The following MAMDC2 variants were observed in gnomAD, a reference collection of about 807,000 sequenced individuals.
MAMDC2 encodes the protein MAM domain containing 2, also known as MAM domain-containing protein 2.
A neutral mutation model predicts 89.8 loss-of-function variants in MAMDC2; 57 were observed. That is an observed-to-expected ratio of 0.63 (90% CI 0.51 to 0.79). The LOEUF (loss-of-function observed/expected upper bound fraction) is 0.79. MAMDC2 is among the 30% of genes least tolerant of loss of function. The pLI, the probability that MAMDC2 is intolerant of heterozygous loss-of-function variation, is 0.00. For synonymous variants in MAMDC2, 313 were observed against 293.4 expected, an observed-to-expected ratio of 1.07 and a Z score of -0.68; for missense variants, 800 against 820.6, an observed-to-expected ratio of 0.97 and a Z score of 0.31.
At chr9:70,154,912 C>T (rs890215096) in intron 9 of MAMDC2, among the ~76,000 whole-genome samples, 2 of 152,076 alleles carry the variant, frequency 1.3e-5, no homozygotes, top group Non-Finnish European at 2.9e-5. Context: ...TTCCTATTCC[C>T]AAGAACCTAA....
chr9:70,072,762 A>C (rs1286216570), intron 2 of MAMDC2, among the ~76,000 whole-genome samples: 1 of 152,188 alleles, frequency 6.6e-6, no homozygotes, highest in Non-Finnish European at 1.5e-5. Context: ...AAAGGTTAAG[A>C]CAAAAAAAAG....
At chr9:70,221,240 A>T (rs1278798009) in intron 12 of MAMDC2, among the ~76,000 whole-genome samples, 1 of 150,172 alleles carries the variant, frequency 6.7e-6, no homozygotes, top group Non-Finnish European at 1.5e-5. Flanking sequence ...CTGTAATCCC[A>T]GCACTTCGGG....
intron 2 of MAMDC2, among the ~76,000 whole-genome samples, chr9:70,067,959 C>T (rs1237130648): frequency 6.6e-6 from 1 of 152,182 alleles, no homozygotes; most frequent in Non-Finnish European, 1.5e-5. Context: ...GACTTGTCTA[C>T]ATTTTATTTT....
At chr9:70,210,980 A>T (rs1164294759) in intron 11 of MAMDC2, among the ~76,000 whole-genome samples, 1 of 152,150 alleles carries the variant, frequency 6.6e-6, no homozygotes, top group African/African-American at 2.4e-5. Flanking sequence ...TGGCTTGTAG[A>T]GTTTCTGCCA....
intron 11 of MAMDC2, among the ~76,000 whole-genome samples, chr9:70,195,182 A>G (rs2032954250): frequency 6.6e-6 from 1 of 152,282 alleles, no homozygotes; most frequent in East Asian, 1.9e-4. Flanking sequence ...TTGTATGACT[A>G]AAGTTTGGGA....
chr9:70,069,463 C>G (rs909263309), intron 2 of MAMDC2, among the ~76,000 whole-genome samples: 11 of 152,080 alleles, frequency 7.2e-5, no homozygotes, highest in Admixed American at 5.9e-4. Flanking sequence ...ATCAAACAGC[C>G]AAGGCTTGTC....
Position 70,223,437 on chromosome 9 carries a change from C to G in MAMDC2, c.1912-2313C>G, listed in dbSNP as rs184027940. Among the ~76,000 whole-genome samples the G allele has an allele frequency of 5.6e-4, 85 of 152,114 alleles. 1 individual carries two copies. Among genetic ancestry groups the G allele is most frequent in the Non-Finnish European group, 8.8e-5 (6 of 68,006 alleles). ...CTTGGAATTAGATTGGATACACTAC[C>G]CTTATTTTATGTTCCACATTGATTT... On this transcript the variant is annotated intron_variant, in intron 12 of 13. Coordinates refer to ENST00000377182, the MANE Select transcript of MAMDC2 (RefSeq NM_153267.5).
rs11421160 is a variant in MAMDC2 at position 70,047,192 on chromosome 9, CT to C, written c.148+2508del. On this transcript the variant is annotated intron_variant, in intron 2 of 13. Transcript: ENST00000377182. Reference sequence around the variant, plus strand: ...CAGAGACTTTTGCCCACATGCACTTCTTTTTTTTTTTTTCTTTAAGTTCTGG... The same window carrying C: ...CAGAGACTTTTGCCCACATGCACTTCTTTTTTTTTTTTCTTTAAGTTCTGG... Among the ~76,000 whole-genome samples the C allele has an allele frequency of 3.3e-3, 479 of 145,778 alleles. 5 individuals carry two copies. Among genetic ancestry groups the C allele is most frequent in the African/African-American group, 9.6e-3 (382 of 39,834 alleles).
At chr9:70,217,533 G>C in intron 11 of MAMDC2, 1 of 1,575,764 alleles carries the variant, frequency 6.3e-7, no homozygotes, top group Non-Finnish European at 8.7e-7. Flanking sequence ...GGGCTGCTAA[G>C]GAAGCAAAAA....
At chr9:70,067,297 G>C (rs1444978754) in intron 2 of MAMDC2, among the ~76,000 whole-genome samples, 5 of 152,190 alleles carry the variant, frequency 3.3e-5, no homozygotes, top group Non-Finnish European at 7.3e-5. Context: ...CCCACCATCT[G>C]GAGTAATAAG....
chr9:70,193,872 A>C (rs1267391887), intron 11 of MAMDC2: 1 of 152,094 alleles, frequency 6.6e-6, no homozygotes, highest in Non-Finnish European at 1.5e-5. Flanking sequence ...TGTCATCTAT[A>C]CTTGAAACAA....
chr9:70,208,294 CT>C, intron 11 of MAMDC2, among the ~76,000 whole-genome samples: 1 of 152,194 alleles, frequency 6.6e-6, no homozygotes, highest in African/African-American at 2.4e-5. Context: ...TCTTTGTGTC[CT>C]CTTTTATTTC....
chr9:70,101,640 G>A (rs953467657), intron 2 of MAMDC2, among the ~76,000 whole-genome samples: 1 of 152,172 alleles, frequency 6.6e-6, no homozygotes, highest in Non-Finnish European at 1.5e-5. Flanking sequence ...ACTGTTACAG[G>A]TTTGTAGCCT....
chr9:70,051,888 G>GATAGAGATAGATAGAT (rs1554665151), intron 2 of MAMDC2, among the ~76,000 whole-genome samples: 151 of 148,910 alleles, frequency 1.0e-3, no homozygotes, highest in Non-Finnish European at 1.4e-3. Context: ...TAGATAGATA[G>GATAGAGATAGATAGAT]AGATAGATAG....
intron 5 of MAMDC2, among the ~76,000 whole-genome samples, chr9:70,123,121 A>G (rs1252196106): frequency 1.3e-5 from 2 of 152,204 alleles, no homozygotes; most frequent in Non-Finnish European, 2.9e-5. Context: ...ATACATTATA[A>G]TACAAAGAAT....
At chr9:70,120,484 G>A (rs1397238784) in intron 5 of MAMDC2, among the ~76,000 whole-genome samples, 2 of 152,112 alleles carry the variant, frequency 1.3e-5, no homozygotes, top group Non-Finnish European at 2.9e-5. Flanking sequence ...CCCTGGAGAG[G>A]TCAAAAGGAA....
chr9:70,077,890 AAAC>A (rs1441695447), intron 2 of MAMDC2, among the ~76,000 whole-genome samples: 1 of 151,072 alleles, frequency 6.6e-6, no homozygotes, highest in African/African-American at 2.5e-5. Context: ...AGCCCAGCCC[AAAC>A]AACAAAAGGT....
chr9:70,204,416 C>T (rs1176641455), intron 11 of MAMDC2, among the ~76,000 whole-genome samples: 1 of 151,596 alleles, frequency 6.6e-6, no homozygotes, highest in African/African-American at 2.4e-5. Context: ...TGCCAGTTCT[C>T]AGATCTCCAG....
chr9:70,071,403 A>ATAAGTC (rs1827405298), intron 2 of MAMDC2, among the ~76,000 whole-genome samples: 1 of 152,172 alleles, frequency 6.6e-6, no homozygotes, highest in Non-Finnish European at 1.5e-5. Context: ...AGCATGAATC[A>ATAAGTC]TAAGTCTAGG....
Sources: allele counts gnomAD v4.1 joint callset (sites outside exome capture counted in the v4.1 genomes callset), GRCh38; gene constraint gnomAD v4.1.1; transcripts MANE v1.5; gene names NCBI Gene and HGNC (gene_info 2026-07-23, HGNC 2026-07-21).